C8orf34: variants seen among roughly 807,000 people sequenced by gnomAD.
C8orf34 encodes chromosome 8 open reading frame 34.
Under a neutral mutation model 68.3 loss-of-function variants are expected in C8orf34, and 65 were observed. The observed-to-expected ratio is 0.95, with a 90% CI of 0.78 to 1.17. The LOEUF (loss-of-function observed/expected upper bound fraction) is 1.17, where lower values mean the gene tolerates loss of function less well. C8orf34 is among the 50% of genes most tolerant of loss of function. C8orf34 has a pLI of 0.00. For synonymous variants in C8orf34, 244 were observed against 241.2 expected (o/e 1.01, Z -0.11); for missense variants, 664 against 655.4 (o/e 1.01, Z -0.14).
chr8:68,490,764 G>A (rs1171428284), intron 5 of C8orf34, among the ~76,000 whole-genome samples: 1 of 152,104 alleles, frequency 6.6e-6, no homozygotes, highest in Admixed American at 6.6e-5. Context: ...ATAACAGAAA[G>A]GAGTCACAGG....
chr8:68,577,885 A>C (rs1816951350), intron 7 of C8orf34, among the ~76,000 whole-genome samples: 1 of 152,012 alleles, frequency 6.6e-6, no homozygotes, highest in South Asian at 2.1e-4. Context: ...AATATTTAGC[A>C]TACAAACACG....
intron 1 of C8orf34, among the ~76,000 whole-genome samples, chr8:68,427,780 C>A (rs988642430): frequency 1.3e-5 from 2 of 151,810 alleles, no homozygotes; most frequent in Non-Finnish European, 2.9e-5. Flanking sequence ...TTCAAGATAT[C>A]AACATTGAAA....
At position 68,601,934 on chromosome 8, in the gene C8orf34, C is replaced by A. The variant is rs141538880; in HGVS notation, c.1106-38442C>A. The stretch of plus-strand genomic sequence containing the variant: ...GTGGATGTGGATGTTCCATTTCCCA[C>A]TGGGCCTTGATGAAAACTAGAGCAC... On this transcript the variant is annotated intron_variant, in intron 7 of 13. Transcript: ENST00000518698. Among the ~76,000 whole-genome samples the A allele has an allele frequency of 3.5e-3, 532 of 152,244 alleles. 4 individuals are homozygous for A. Among genetic ancestry groups the A allele is most frequent in the African/African-American group, 0.012 (509 of 41,556 alleles).
chr8:68,344,826 G>A (rs936924647), intron 1 of C8orf34, among the ~76,000 whole-genome samples: 1 of 152,024 alleles, frequency 6.6e-6, no homozygotes, highest in Non-Finnish European at 1.5e-5. Flanking sequence ...CAAACTTTTT[G>A]TAATTTTTAT....
At chr8:68,660,031 AT>A (rs1415772437) in intron 8 of C8orf34, among the ~76,000 whole-genome samples, 1 of 152,164 alleles carries the variant, frequency 6.6e-6, no homozygotes, top group Non-Finnish European at 1.5e-5. Context: ...CCCAAGCTCA[AT>A]TTTAAGCCAT....
chr8:68,491,393 G>C (rs1400433307), intron 5 of C8orf34, among the ~76,000 whole-genome samples: 1 of 152,132 alleles, frequency 6.6e-6, no homozygotes, highest in African/African-American at 2.4e-5. Context: ...TAGTTTCAAA[G>C]TTGAACATGA....
chr8:68,543,916 G>C (rs1815783500), intron 7 of C8orf34, among the ~76,000 whole-genome samples: 2 of 152,098 alleles, frequency 1.3e-5, no homozygotes, highest in Non-Finnish European at 2.9e-5. Flanking sequence ...TTTGGTTCTT[G>C]AGAGTAGGGA....
intron 1 of C8orf34, among the ~76,000 whole-genome samples, chr8:68,346,142 A>T (rs1376897855): frequency 6.6e-6 from 1 of 152,148 alleles, no homozygotes; most frequent in Non-Finnish European, 1.5e-5. Context: ...CACTGATTGA[A>T]TGTGTATTCT....
chr8:68,426,518 CAAAAAAA>C (rs753578060), intron 1 of C8orf34, among the ~76,000 whole-genome samples: 2 of 29,610 alleles, frequency 6.8e-5, no homozygotes, highest in Non-Finnish European at 1.5e-4. Flanking sequence ...GACCTTGTCT[CAAAAAAA>C]AAAAAAAAAA....
chr8:68,620,117 G>T (rs1193190314), intron 7 of C8orf34, among the ~76,000 whole-genome samples: 1 of 152,176 alleles, frequency 6.6e-6, no homozygotes, highest in African/African-American at 2.4e-5. Context: ...GGGTGAAATG[G>T]GGTGAAGAGA....
intron 1 of C8orf34, among the ~76,000 whole-genome samples, chr8:68,407,906 G>A (rs1304966375): frequency 6.6e-6 from 1 of 151,978 alleles, no homozygotes; most frequent in Non-Finnish European, 1.5e-5. Context: ...TATTTTTCAT[G>A]ACAACAAGTT....
At chr8:68,475,150 A>T (rs1812551879) in intron 4 of C8orf34, among the ~76,000 whole-genome samples, 1 of 152,130 alleles carries the variant, frequency 6.6e-6, no homozygotes, top group African/African-American at 2.4e-5. Context: ...AAGTCTCACC[A>T]TCAGCTCCTT....
At chr8:68,561,191 C>T (rs1816414028) in intron 7 of C8orf34, among the ~76,000 whole-genome samples, 1 of 151,834 alleles carries the variant, frequency 6.6e-6, no homozygotes, top group Non-Finnish European at 1.5e-5. Context: ...CCATGTTTCC[C>T]AGACTGGTCT....
chr8:68,672,921 G>A (rs1330825907), intron 8 of C8orf34, among the ~76,000 whole-genome samples: 1 of 152,156 alleles, frequency 6.6e-6, no homozygotes, highest in East Asian at 1.9e-4. Flanking sequence ...TTGTATCTTG[G>A]ATACCAGCTC....
chr8:68,744,377 G>A (rs1585813957), intron 10 of C8orf34, among the ~76,000 whole-genome samples: 1 of 152,226 alleles, frequency 6.6e-6, no homozygotes, highest in East Asian at 1.9e-4. Context: ...GAACAAAGCT[G>A]GACGGAGAAT....
chr8:68,402,707 T>C (rs1196919113), intron 1 of C8orf34, among the ~76,000 whole-genome samples: 1 of 152,188 alleles, frequency 6.6e-6, no homozygotes, highest in Non-Finnish European at 1.5e-5. Flanking sequence ...TTTCCAATAT[T>C]TGTATAGTTT....
At chr8:68,592,587 T>G (rs4437633) in intron 7 of C8orf34, among the ~76,000 whole-genome samples, 59,088 of 143,416 alleles carry the variant, frequency 0.41, 13,383 homozygotes, top group Non-Finnish European at 0.51. Flanking sequence ...GTTTATCAAT[T>G]TATCTCTTCT....
intron 10 of C8orf34, among the ~76,000 whole-genome samples, chr8:68,725,404 A>G (rs1361451908): frequency 6.6e-6 from 1 of 152,216 alleles, no homozygotes; most frequent in Non-Finnish European, 1.5e-5. Flanking sequence ...AGAAAATTAA[A>G]AAGTCTTCTG....
intron 7 of C8orf34, among the ~76,000 whole-genome samples, chr8:68,549,271 A>G (rs7816403): frequency 0.018 from 2,685 of 151,892 alleles, 84 homozygotes; most frequent in African/African-American, 0.06. Flanking sequence ...AATCTACAGT[A>G]TTTTATTTTG....
Sources: allele counts gnomAD v4.1 joint callset (sites outside exome capture counted in the v4.1 genomes callset), GRCh38; gene constraint gnomAD v4.1.1; transcripts MANE v1.5; gene names NCBI Gene and HGNC (gene_info 2026-07-23, HGNC 2026-07-21).